TPST2: variants seen among roughly 807,000 people sequenced by gnomAD.
TPST2 encodes protein-tyrosine sulfotransferase 2.
TPST2 carries 16 observed loss-of-function variants against 27.8 expected under a neutral mutation model. The observed-to-expected ratio is 0.58, with a 90% CI of 0.39 to 0.88. TPST2 has a LOEUF of 0.88. Among genes scored for constraint, TPST2 ranks in the 40% least tolerant of loss-of-function variants. The probability of loss-of-function intolerance (pLI) is 0.00; values close to 1 mark genes in which losing one functional copy is unlikely to be tolerated. For synonymous variants in TPST2, 229 were observed against 231.7 expected (o/e 0.99, Z 0.10); for missense variants, 464 against 543.1 (o/e 0.85, Z 1.45).
intron 1 of TPST2, among the ~76,000 whole-genome samples, chr22:26,549,910 C>T (rs918489805): frequency 8.7e-5 from 13 of 149,314 alleles, no homozygotes; most frequent in South Asian, 4.3e-4. Flanking sequence ...TGGGGGATCG[C>T]GCTTGGGAGC....
intron 1 of TPST2, among the ~76,000 whole-genome samples, chr22:26,588,819 G>A (rs139181651): frequency 9.2e-5 from 14 of 152,240 alleles, no homozygotes; most frequent in African/African-American, 2.2e-4. Flanking sequence ...GCCTACCCTC[G>A]CCAGCAGACC....
At chr22:26,574,778 C>T (rs1242119759) in intron 1 of TPST2, among the ~76,000 whole-genome samples, 1 of 152,144 alleles carries the variant, frequency 6.6e-6, no homozygotes. Flanking sequence ...AGGCTCCCAA[C>T]CATGGGCTGC....
chr22:26,540,693 G>A, intron 3 of TPST2, 96 bp downstream of exon 3: 1 of 1,222,300 alleles, frequency 8.2e-7, no homozygotes, highest in Non-Finnish European at 1.1e-6. Context: ...CTTGCCCAAG[G>A]CCACACAGCT....
intron 1 of TPST2, among the ~76,000 whole-genome samples, chr22:26,555,656 C>T (rs1018136232): frequency 6.6e-6 from 1 of 152,228 alleles, no homozygotes; most frequent in Non-Finnish European, 1.5e-5. Flanking sequence ...GACAATCAAC[C>T]CAGTGGGATG....
chr22:26,588,831 C>T (rs1569200476), intron 1 of TPST2, among the ~76,000 whole-genome samples: 1 of 152,178 alleles, frequency 6.6e-6, no homozygotes. Context: ...CAGCAGACCA[C>T]CCTGCTGAGA....
At chr22:26,529,145 C>T (rs1461514635) in intron 5 of TPST2, among the ~76,000 whole-genome samples, 3 of 152,042 alleles carry the variant, frequency 2.0e-5, no homozygotes, top group Admixed American at 6.6e-5. Flanking sequence ...TTGTTTGAGA[C>T]GGAGTCTCAC....
At chr22:26,583,436 CAAAAA>C (rs775047318) in intron 1 of TPST2, among the ~76,000 whole-genome samples, 1 of 63,648 alleles carries the variant, frequency 1.6e-5, no homozygotes, top group African/African-American at 6.6e-5. Flanking sequence ...AACTCCATCT[CAAAAA>C]AAAAAAAAAA....
At position 26,524,480 on chromosome 22, in the gene TPST2, CTGAG is replaced by C. The variant is rs1242851076; in HGVS notation, c.*1791_*1794del. ...TATGATCACGCCACTGTACTCTAGC[CTGAG>C]TGACAGAGCGAGATTCTGTCTAAAC... is the stretch of plus-strand genomic sequence containing the variant. On this transcript the variant is annotated 3_prime_UTR_variant, in exon 7 of 7. Transcript: ENST00000338754. 7 of 152,130 alleles carry C rather than the reference CTGAG, an allele frequency of 4.6e-5. No individual in the cohort carries two copies. In the East Asian group the frequency reaches 9.7e-4, roughly 21 times the overall value. The allele number at this position is 152,130 out of a possible 1,614,324, so 9.4% of individuals were successfully genotyped here.
At chr22:26,536,574 G>C (rs1602256330) in intron 3 of TPST2, 88 bp from the exon 4 acceptor site, 1 of 1,282,558 alleles carries the variant, frequency 7.8e-7, no homozygotes, top group East Asian at 2.6e-5. Context: ...GGGGCAGCAG[G>C]AAAGACTGGA....
intron 1 of TPST2, among the ~76,000 whole-genome samples, chr22:26,572,770 G>A (rs1052207931): frequency 1.3e-5 from 2 of 152,040 alleles, no homozygotes; most frequent in African/African-American, 4.8e-5. Flanking sequence ...TTGCAGTCTG[G>A]TGGGTTTTTT....
rs1927165242 is a variant in TPST2, at chr22:26,562,620, TTTTCTTTTC to T, written c.-160-17954_-160-17946del. Among the ~76,000 whole-genome samples, 5 of 136,008 alleles carry T rather than the reference TTTTCTTTTC, an allele frequency of 3.7e-5. No individual in the cohort carries two copies. The South Asian group carries it at 1.3e-3, about 35-fold the overall frequency. The allele number at this position is 136,008 out of a possible 152,430, so 89.2% of individuals were successfully genotyped here. A position where few individuals can be genotyped will look rare whatever the true frequency, so the allele number is the denominator to read the frequency against. ...CCATCTACACTTGCTTTTTCTTTTC[TTTTCTTTTC>T]TTTTTTTTTTTTGAGACTGACTCTC... On this transcript the variant is annotated intron_variant, in intron 1 of 6. Coordinates refer to ENST00000338754, the MANE Select transcript of TPST2 (RefSeq NM_003595.5).
chr22:26,535,852 GC>G (rs777450108), intron 4 of TPST2: 4 of 339,806 alleles, frequency 1.2e-5, no homozygotes, highest in Non-Finnish European at 2.3e-5. Context: ...AATTTAAACA[GC>G]CCTAAACTCA....
intron 4 of TPST2, among the ~76,000 whole-genome samples, chr22:26,535,594 C>T (rs545194003): frequency 2.0e-4 from 30 of 152,302 alleles, no homozygotes; most frequent in African/African-American, 7.0e-4. Flanking sequence ...GCCTGGGCAA[C>T]GTAGCGAGAC....
chr22:26,533,120 G>A (rs1925260515), intron 4 of TPST2, among the ~76,000 whole-genome samples: 1 of 152,164 alleles, frequency 6.6e-6, no homozygotes, highest in African/African-American at 2.4e-5. Flanking sequence ...GGGTGGTCAA[G>A]AGGGGACTCT....
intron 1 of TPST2, among the ~76,000 whole-genome samples, chr22:26,574,690 AC>A (rs1927762626): frequency 6.6e-6 from 1 of 152,290 alleles, no homozygotes; most frequent in South Asian, 2.1e-4. Context: ...GAGAGCAGAA[AC>A]GAGGAAAAGG....
At position 26,540,943 on chromosome 22, in the gene TPST2, T is replaced by C; in HGVS notation, c.688A>G (p.Lys230Glu). Residue 230 changes from lysine to glutamate, a missense_variant, in exon 3 of 7, where the codon AAG (lysine) becomes GAG (glutamate). By Grantham distance (56) the Lys-to-Glu change is moderately conservative (BLOSUM62 1). Coordinates refer to ENST00000338754, the MANE Select transcript of TPST2 (RefSeq NM_003595.5). ...TAGTACACAGGCAGGCACTTCTCCT[T>C]GCCTACCTCCATGCACTGGGCGTAC... ...VMYAQCMEVG[K>E]EKCLPVYYEQ... is the part of the protein sequence containing the mutation. 6.2e-7 allele frequency: 1 copy of C among 1,614,188 alleles called. No homozygotes were observed. The highest frequency in any genetic ancestry group is 8.5e-7 in the Non-Finnish European group (1 of 1,180,024).
chr22:26,582,333 A>G (rs1928147438), intron 1 of TPST2, among the ~76,000 whole-genome samples: 1 of 152,212 alleles, frequency 6.6e-6, no homozygotes, highest in African/African-American at 2.4e-5. Context: ...AGGCTGGGGC[A>G]GGAGAATCGC....
At chr22:26,562,834 G>A (rs1927182028) in intron 1 of TPST2, among the ~76,000 whole-genome samples, 1 of 152,088 alleles carries the variant, frequency 6.6e-6, no homozygotes, top group Non-Finnish European at 1.5e-5. Flanking sequence ...CGTTGGTCAG[G>A]CTGGTCTCAA....
intron 1 of TPST2, among the ~76,000 whole-genome samples, chr22:26,570,037 A>AAGAAAGAC (rs1486782218): frequency 8.7e-6 from 1 of 114,944 alleles, no homozygotes; most frequent in Non-Finnish European, 1.8e-5. Flanking sequence ...GAAAGAAAGA[A>AAGAAAGAC]AGAAAGACAG....
Sources: gnomAD v4.1 joint callset for allele counts (sites outside exome capture counted in the v4.1 genomes callset) on GRCh38, gnomAD v4.1.1 for gene constraint, MANE v1.5 for transcripts, NCBI Gene and HGNC (gene_info 2026-07-23, HGNC 2026-07-21) for gene names.